STAU2: variants seen among roughly 807,000 people sequenced by gnomAD.
The protein encoded by STAU2 is double-stranded RNA-binding protein Staufen homolog 2.
In STAU2, 20 loss-of-function variants were observed where a neutral mutation model predicts 65.9. The ratio of observed to expected loss-of-function variants is 0.30; its 90% CI spans 0.21 to 0.44. The LOEUF (loss-of-function observed/expected upper bound fraction) is 0.44, where lower values mean the gene tolerates loss of function less well. Among genes scored for constraint, STAU2 ranks in the 20% least tolerant of loss-of-function variants. STAU2 has a pLI of 1.00. For missense variants in STAU2, 558 were observed against 683.9 expected (o/e 0.82, Z 2.05); for synonymous variants, 232 against 233.9 (o/e 0.99, Z 0.07).
chr8:73,727,789 A>G (rs1805756214), intron 3 of STAU2: 2 of 152,182 alleles, frequency 1.3e-5, no homozygotes, highest in African/African-American at 4.8e-5. Flanking sequence ...GGAATTGTCA[A>G]ACTCTTTTTT....
intron 11 of STAU2, among the ~76,000 whole-genome samples, chr8:73,583,895 A>G (rs952757321): frequency 1.3e-5 from 2 of 152,196 alleles, no homozygotes; most frequent in African/African-American, 4.8e-5. Context: ...CTTTCTGTAC[A>G]GCTGGTAACT....
intron 4 of STAU2, among the ~76,000 whole-genome samples, chr8:73,694,462 GA>G (rs879552187): frequency 2.6e-5 from 4 of 152,104 alleles, no homozygotes; most frequent in Non-Finnish European, 4.4e-5. Context: ...TAAATACAAA[GA>G]ATTCAGACCA....
chr8:73,545,351 T>C (rs1424436026), intron 13 of STAU2, among the ~76,000 whole-genome samples: 1 of 152,106 alleles, frequency 6.6e-6, no homozygotes. Context: ...TGTACTTTTC[T>C]TATGCTTTTA....
chr8:73,605,872 C>T (rs981091607), intron 9 of STAU2, among the ~76,000 whole-genome samples: 282 of 20,532 alleles, frequency 0.014, 2 homozygotes, highest in African/African-American at 0.032. Flanking sequence ...CACACACACA[C>T]ACACATACAC....
At chr8:73,707,905 G>A (rs1356353680) in intron 4 of STAU2, among the ~76,000 whole-genome samples, 1 of 151,918 alleles carries the variant, frequency 6.6e-6, no homozygotes, top group Non-Finnish European at 1.5e-5. Context: ...GCTCAACAAT[G>A]AGTAAGGGCA....
At chr8:73,697,099 G>C (rs1306593985) in intron 4 of STAU2, among the ~76,000 whole-genome samples, 1 of 152,074 alleles carries the variant, frequency 6.6e-6, no homozygotes, top group Non-Finnish European at 1.5e-5. Flanking sequence ...TGTCACCCAG[G>C]CTGGAATGCA....
chr8:73,736,521 T>G (rs974275314), intron 3 of STAU2, among the ~76,000 whole-genome samples: 17 of 152,204 alleles, frequency 1.1e-4, no homozygotes, highest in African/African-American at 3.6e-4. Flanking sequence ...ATAGCAGGAC[T>G]GCAGTCAAGC....
chr8:73,554,192 C>T (rs1302451292), intron 12 of STAU2, among the ~76,000 whole-genome samples: 1 of 152,200 alleles, frequency 6.6e-6, no homozygotes, highest in Non-Finnish European at 1.5e-5. Context: ...GAAGCCAATT[C>T]TTCAGGCAAC....
chr8:73,699,860 C>CAAAAAAAAAAAAAAAAAAAAAAAA, intron 4 of STAU2, among the ~76,000 whole-genome samples: 1 of 88,882 alleles, frequency 1.1e-5, no homozygotes, highest in African/African-American at 4.2e-5. Context: ...AAACACACAT[C>CAAAAAAAAAAAAAAAAAAAAAAAA]AAAAAAAAAA....
intron 4 of STAU2, among the ~76,000 whole-genome samples, chr8:73,693,653 C>G (rs1819511925): frequency 2.0e-5 from 3 of 152,172 alleles, no homozygotes. Context: ...CCAAGGCAAT[C>G]CTATGCTTTT....
At chr8:73,702,019 A>C (rs1413916510) in intron 4 of STAU2, among the ~76,000 whole-genome samples, 1 of 152,194 alleles carries the variant, frequency 6.6e-6, no homozygotes, top group African/African-American at 2.4e-5. Flanking sequence ...GTGAGGTCTA[A>C]AAATCAAAAC....
At chr8:73,731,657 G>C (rs1331606772) in intron 3 of STAU2, among the ~76,000 whole-genome samples, 1 of 152,108 alleles carries the variant, frequency 6.6e-6, no homozygotes, top group Non-Finnish European at 1.5e-5. Flanking sequence ...TCAAGCATTG[G>C]CCAGGCACGG....
chr8:73,656,301 C>G (rs1192925515), intron 6 of STAU2, among the ~76,000 whole-genome samples: 1 of 152,190 alleles, frequency 6.6e-6, no homozygotes, highest in East Asian at 1.9e-4. Context: ...TTTGTTATAA[C>G]AAGGTCACTC....
chr8:73,486,620 T>TATAA (rs1223504280), intron 13 of STAU2, among the ~76,000 whole-genome samples: 10 of 146,508 alleles, frequency 6.8e-5, no homozygotes, highest in African/African-American at 2.5e-4. Context: ...ATTATATATA[T>TATAA]ATATATACAC....
chr8:73,699,149 C>T (rs1489953951), intron 4 of STAU2, among the ~76,000 whole-genome samples: 1 of 151,604 alleles, frequency 6.6e-6, no homozygotes, highest in Non-Finnish European at 1.5e-5. Flanking sequence ...AATGGTAAAC[C>T]AAAGCCTATG....
intron 13 of STAU2, among the ~76,000 whole-genome samples, chr8:73,495,193 T>G (rs961829317): frequency 5.3e-5 from 8 of 151,536 alleles, no homozygotes; most frequent in Non-Finnish European, 1.2e-4. Flanking sequence ...TGCAAAAATA[T>G]CATGTAAGGA....
At chr8:73,742,091 G>T in intron 1 of STAU2, 7 of 447,568 alleles carry the variant, frequency 1.6e-5, no homozygotes, top group Non-Finnish European at 2.1e-5. Context: ...GGACAATTCA[G>T]AATGTTCACA....
chr8:73,443,624 G>A (rs1254733322), intron 13 of STAU2, among the ~76,000 whole-genome samples: 1 of 152,220 alleles, frequency 6.6e-6, no homozygotes. Flanking sequence ...GGCCAAGACA[G>A]GAGGACTGCT....
intron 13 of STAU2, among the ~76,000 whole-genome samples, chr8:73,486,845 G>T (rs1212394972): frequency 6.6e-6 from 1 of 151,678 alleles, no homozygotes; most frequent in African/African-American, 2.4e-5. Context: ...TAGAGACAGA[G>T]TCTTGCTATA....
Sources: gnomAD v4.1 joint callset for allele counts (sites outside exome capture counted in the v4.1 genomes callset) on GRCh38, gnomAD v4.1.1 for gene constraint, MANE v1.5 for transcripts, NCBI Gene and HGNC (gene_info 2026-07-23, HGNC 2026-07-21) for gene names.